Variants in PDZD2 observed in about 807,000 individuals in gnomAD.
PDZD2 encodes PDZ domain-containing protein 2.
Under a neutral mutation model 220.7 loss-of-function variants are expected in PDZD2, and 90 were observed. That is an observed-to-expected ratio of 0.41 (90% confidence interval 0.34 to 0.49). PDZD2 has a LOEUF of 0.49. Ranked by LOEUF, PDZD2 falls within the 20% of genes least tolerant of loss-of-function variation. PDZD2 has a pLI of 0.28. For missense variants in PDZD2, 3,174 were observed against 3,608.5 expected, an observed-to-expected ratio of 0.88 and a Z score of 3.08; for synonymous variants, 1,375 against 1,450.5, an observed-to-expected ratio of 0.95 and a Z score of 1.18.
chr5:31,896,397 A>AG (rs932056117), intron 2 of PDZD2, among the ~76,000 whole-genome samples: 1 of 150,048 alleles, frequency 6.7e-6, no homozygotes, highest in Non-Finnish European at 1.5e-5. Flanking sequence ...CCACCTACCT[A>AG]GGGTCACAGT....
chr5:32,089,857 G>T lies in PDZD2; in HGVS notation c.6409G>T (p.Ala2137Ser). ...KSEIRLYRQV[A>S]ESSTSHPSSL... is the part of the protein sequence containing the mutation. ...TGAAATCAGGCTCTATCGCCAGGTC[G>T]CAGAATCATCCACAAGTCATCCATC... The change falls in exon 20 of 25, where the codon GCA (alanine) becomes TCA (serine). Residue 2137 changes from alanine (A) to serine (S), a missense_variant. Ala to Ser is a moderately conservative substitution (Grantham distance 99, BLOSUM62 1). This residue lies in a region of PDZD2 where 1,861 missense variants were observed against 2,001.0 expected (regional missense o/e 0.93). Transcript: ENST00000438447. The T allele has an allele frequency of 6.2e-6, 10 of 1,612,976 alleles. No homozygotes were observed. Among genetic ancestry groups the T allele is most frequent in the Non-Finnish European group, 8.5e-6 (10 of 1,179,216 alleles).
At chr5:32,081,003 G>A (rs1251213133) in intron 19 of PDZD2, among the ~76,000 whole-genome samples, 3 of 151,856 alleles carry the variant, frequency 2.0e-5, no homozygotes, top group African/African-American at 7.3e-5. Context: ...GGGTTGATAG[G>A]TGCAGCAAAC....
At chr5:31,749,211 A>C (rs1750783437) in intron 1 of PDZD2, among the ~76,000 whole-genome samples, 1 of 152,334 alleles carries the variant, frequency 6.6e-6, no homozygotes, top group Middle Eastern at 3.4e-3. Flanking sequence ...CTTGAGAGGC[A>C]GGAAGGATAT....
intron 1 of PDZD2, among the ~76,000 whole-genome samples, chr5:31,784,570 G>A (rs1042897023): frequency 3.3e-5 from 5 of 152,152 alleles, no homozygotes; most frequent in African/African-American, 9.7e-5. Flanking sequence ...TAGAAGGGGG[G>A]TGGTCAGTGC....
In PDZD2 at chr5:31,728,871, CAG is replaced by C. The variant is rs149712217; in HGVS notation, c.-360-70015_-360-70014del. ...TTATTTTATTTTATTTTATTTGAGA[CAG>C]AGTCTCTCTCTCTCTCTGTCACCTA... On this transcript the variant is annotated intron_variant, in intron 1 of 24. Coordinates refer to ENST00000438447, the MANE Select transcript of PDZD2 (RefSeq NM_178140.4). Among the ~76,000 whole-genome samples, 797 of 151,886 alleles carry C rather than the reference CAG, an allele frequency of 5.2e-3. 12 individuals carry two copies. Among genetic ancestry groups the C allele is most frequent in the African/African-American group, 0.018 (761 of 41,448 alleles).
intron 1 of PDZD2, among the ~76,000 whole-genome samples, chr5:31,653,011 C>CA (rs201248468): frequency 6.5e-4 from 98 of 150,152 alleles, no homozygotes; most frequent in Admixed American, 1.3e-3. Context: ...GACTTCATCT[C>CA]AAAAAAAAAG....
chr5:31,948,266 A>G (rs771079209), intron 2 of PDZD2, among the ~76,000 whole-genome samples: 1 of 152,184 alleles, frequency 6.6e-6, no homozygotes, highest in Non-Finnish European at 1.5e-5. Flanking sequence ...CATGTAAGTC[A>G]GAGGATGTTT....
At chr5:31,992,178 C>G (rs1417898010) in intron 3 of PDZD2, among the ~76,000 whole-genome samples, 2 of 152,144 alleles carry the variant, frequency 1.3e-5, no homozygotes, top group Admixed American at 6.5e-5. Context: ...TCTTTGGACA[C>G]TCCCCTCCTA....
rs372604816 is a variant in PDZD2, at chr5:32,088,095, A to T, written c.4647A>T (p.Ser1549=). The change falls in exon 20 of 25, where the codon TCA becomes TCT. Residue 1549 remains serine (S), a synonymous_variant. Transcript: ENST00000438447. This position sits in a 1 kb window ranked among gnomAD's most constrained non-coding sequence, Gnocchi z 4.6. ...GLGDSTEPSL[S]SMYGDAEDSS... ...GTGACAGCACGGAGCCGTCTCTGTC[A>T]TCCATGTATGGCGATGCTGAGGATT... The T allele has an allele frequency of 2.0e-5, 32 of 1,614,070 alleles. No individual in the cohort carries two copies. Among genetic ancestry groups the T allele is most frequent in the Non-Finnish European group, 2.5e-5 (30 of 1,180,040 alleles).
chr5:31,849,901 T>C (rs540391995), intron 2 of PDZD2, among the ~76,000 whole-genome samples: 54 of 26,504 alleles, frequency 2.0e-3, no homozygotes, highest in East Asian at 7.4e-3. Context: ...CATATATATA[T>C]ATACATATAT....
chr5:31,860,488 A>G (rs1335137858), intron 2 of PDZD2, among the ~76,000 whole-genome samples: 7 of 152,208 alleles, frequency 4.6e-5, no homozygotes, highest in Non-Finnish European at 1.0e-4. Context: ...TTGAGAGGCT[A>G]GCAATCCTCC....
intron 2 of PDZD2, among the ~76,000 whole-genome samples, chr5:31,864,814 G>A (rs994378519): frequency 5.6e-5 from 8 of 143,150 alleles, no homozygotes; most frequent in Non-Finnish European, 7.5e-5. Context: ...GTGCCCAGTC[G>A]AATTGTATCT....
chr5:31,962,447 G>A (rs535954288), intron 2 of PDZD2, among the ~76,000 whole-genome samples: 4 of 151,634 alleles, frequency 2.6e-5, no homozygotes, highest in South Asian at 4.2e-4. Context: ...CTCAGAGGGC[G>A]GCAACGAGTC....
At chr5:31,704,384 T>C (rs1255450710) in intron 1 of PDZD2, among the ~76,000 whole-genome samples, 2 of 152,220 alleles carry the variant, frequency 1.3e-5, no homozygotes, top group African/African-American at 2.4e-5. Flanking sequence ...GTAAATAGAA[T>C]GTCTATAACA....
chr5:32,076,179 G>A (rs1194093673), intron 18 of PDZD2, among the ~76,000 whole-genome samples: 4 of 151,608 alleles, frequency 2.6e-5, no homozygotes, highest in Admixed American at 6.6e-5. Flanking sequence ...CCAGCTACTC[G>A]GGAGTCTGAG....
At chr5:31,885,629 A>G (rs1740388180) in intron 2 of PDZD2, among the ~76,000 whole-genome samples, 1 of 152,226 alleles carries the variant, frequency 6.6e-6, no homozygotes, top group African/African-American at 2.4e-5. Flanking sequence ...TCTCTAAAAC[A>G]TCTCTCCCTA....
At position 31,752,069 on chromosome 5, in the gene PDZD2, G is replaced by GTTTTTTTTTTTT. The variant is rs1491302993; in HGVS notation, c.-360-46817_-360-46816insTTTTTTTTTTTT. ...TTGTTTGTTTGTTTTATTGTTTTGG[G>GTTTTTTTTTTTT]TTTGTTTTTTTTTTTTTTTTTCTGA... On this transcript the variant is annotated intron_variant, in intron 1 of 24. Transcript: ENST00000438447. 3.2e-4 allele frequency among the ~76,000 whole-genome samples: 31 copies of GTTTTTTTTTTTT among 95,832 alleles called. 1 individual carries two copies. Among genetic ancestry groups the GTTTTTTTTTTTT allele is most frequent in the Non-Finnish European group, 5.2e-4 (27 of 52,174 alleles). The allele number at this position is 95,832 out of a possible 152,430, so 62.9% of individuals were successfully genotyped here.
chr5:32,098,357 A>G lies in PDZD2; in HGVS notation c.7948-7A>G. 1 of 1,612,112 alleles carries G rather than the reference A, an allele frequency of 6.2e-7. No homozygotes were observed. The highest frequency in any genetic ancestry group is 8.5e-7 in the Non-Finnish European group (1 of 1,178,988). ...GTTTTTGTTCCCTTTTCCTTTCCTC[A>G]TCCCAGGTCCACAGGGTGTTTTCTC... is the stretch of plus-strand genomic sequence containing the variant. On this transcript the variant is annotated splice_region_variant and splice_polypyrimidine_tract_variant and intron_variant, in intron 22 of 24. Coordinates refer to ENST00000438447, the MANE Select transcript of PDZD2 (RefSeq NM_178140.4). The surrounding 1 kb of genome is among the most constrained non-coding windows in gnomAD (Gnocchi z 4.1).
intron 2 of PDZD2, among the ~76,000 whole-genome samples, chr5:31,868,834 C>T (rs865971384): frequency 1.1e-4 from 16 of 152,102 alleles, no homozygotes; most frequent in Admixed American, 2.0e-4. Flanking sequence ...TGCAGTGGCA[C>T]GATGTCAGCT....
Sources: allele counts gnomAD v4.1 joint callset (sites outside exome capture counted in the v4.1 genomes callset), GRCh38; gene constraint gnomAD v4.1.1; regional missense constraint gnomAD v4.1.1; non-coding constraint Gnocchi (gnomAD v3.1); transcripts MANE v1.5; gene names NCBI Gene and HGNC (gene_info 2026-07-23, HGNC 2026-07-21).